The following MGAT5B variants were observed in gnomAD, a reference collection of about 807,000 sequenced individuals.
MGAT5B encodes the protein alpha-1,6-mannosylglycoprotein 6-beta-N-acetylglucosaminyltransferase B.
MGAT5B carries 54 observed loss-of-function variants against 95.1 expected under a neutral mutation model. The ratio of observed to expected loss-of-function variants is 0.57; its 90% CI spans 0.46 to 0.71. The LOEUF (loss-of-function observed/expected upper bound fraction) is 0.71, where lower values mean the gene tolerates loss of function less well. MGAT5B is among the 30% of genes least tolerant of loss of function. MGAT5B has a pLI of 0.00. For synonymous variants in MGAT5B, 464 were observed against 451.0 expected, an observed-to-expected ratio of 1.03 and a Z score of -0.36; for missense variants, 935 against 1,088.6, an observed-to-expected ratio of 0.86 and a Z score of 1.99.
chr17:76,891,298 T>C (rs1051412258), intron 3 of MGAT5B, among the ~76,000 whole-genome samples: 1 of 152,196 alleles, frequency 6.6e-6, no homozygotes, highest in Admixed American at 6.5e-5. Context: ...ATGCCATTCA[T>C]GAGGGCTCCA....
rs144453101 is a variant in MGAT5B at position 76,882,264 on chromosome 17, C to T, written c.295C>T (p.Arg99Trp). 16 of 1,612,962 alleles carry T rather than the reference C, an allele frequency of 9.9e-6. No individual in the cohort carries two copies. The highest frequency in any genetic ancestry group is 6.7e-5 in the Admixed American group (4 of 59,974). Residue 99 changes from arginine (R) to tryptophan (W), a missense_variant, in exon 3 of 18, where the codon CGG becomes TGG. Arg to Trp is a moderately radical substitution (Grantham distance 101). Transcript: ENST00000569840. ...GCTGGAGAACAGCAGTGAGCTGCACCGGGCCGGCGGCGACCTGCACTTTCC... is the reference window on the plus strand; with the variant it reads ...GCTGGAGAACAGCAGTGAGCTGCACTGGGCCGGCGGCGACCTGCACTTTCC... ...ARLENSSELH[R>W]AGGDLHFPAD... is the part of the protein sequence containing the mutation.
chr17:76,882,339 G>T, intron 3 of MGAT5B, 41 bp downstream of exon 3: 1 of 1,522,800 alleles, frequency 6.6e-7, no homozygotes, highest in Non-Finnish European at 8.8e-7. Flanking sequence ...GCAGGGGAGC[G>T]GTGGCACCTG....
At chr17:76,923,134 C>T (rs1427080887) in intron 8 of MGAT5B, among the ~76,000 whole-genome samples, 51 of 152,226 alleles carry the variant, frequency 3.4e-4, no homozygotes, top group Non-Finnish European at 2.9e-5. Flanking sequence ...ATGGTGCGCA[C>T]AGTCCCCTCC....
In MGAT5B at chr17:76,916,187, G is replaced by A. The variant is rs190211600; in HGVS notation, c.1026-8779G>A. ...ATGCTCCACATAGCTGCACTGCCCT[G>A]GCCCCTGCCCTTCATTCTTCCTCGG... is the stretch of plus-strand genomic sequence containing the variant. On this transcript the variant is annotated intron_variant, in intron 8 of 17. Coordinates refer to ENST00000569840, the MANE Select transcript of MGAT5B (RefSeq NM_001199172.2). The surrounding 1 kb of genome is among the most constrained non-coding windows in gnomAD (Gnocchi z 5.3). Among the ~76,000 whole-genome samples the A allele has an allele frequency of 3.2e-4, 48 of 150,816 alleles. No individual in the cohort carries two copies. Among genetic ancestry groups the A allele is most frequent in the Non-Finnish European group, 7.4e-5 (5 of 67,908 alleles).
At chr17:76,908,245 CTTTT>C (rs897735562) in intron 8 of MGAT5B, among the ~76,000 whole-genome samples, 5 of 139,436 alleles carry the variant, frequency 3.6e-5, no homozygotes, top group African/African-American at 1.3e-4. Context: ...TCTTTTCTTT[CTTTT>C]TTTCCTTTCT....
chr17:76,882,378 C>G, intron 3 of MGAT5B, 80 bp downstream of exon 3: 1 of 1,475,268 alleles, frequency 6.8e-7, no homozygotes, highest in Non-Finnish European at 9.1e-7. Flanking sequence ...TGTCCGTCAT[C>G]TCCTTTTGTG....
intron 8 of MGAT5B, among the ~76,000 whole-genome samples, chr17:76,919,696 G>A (rs935394278): frequency 2.0e-5 from 3 of 152,214 alleles, no homozygotes; most frequent in Non-Finnish European, 4.4e-5. Flanking sequence ...CACCTAAAGT[G>A]CTGGGATTAT....
intron 2 of MGAT5B, among the ~76,000 whole-genome samples, chr17:76,878,879 A>G (rs139497953): frequency 1.5e-4 from 23 of 152,330 alleles, no homozygotes; most frequent in African/African-American, 5.3e-4. Context: ...ATAGAGACTC[A>G]GAGCTCAATG....
At position 76,925,039 on chromosome 17, in the gene MGAT5B, G is replaced by A. The variant is rs779652167; in HGVS notation, c.1099G>A (p.Asp367Asn). The change falls in exon 9 of 18, where the codon GAC becomes AAC. Residue 367 changes from aspartate to asparagine, a missense_variant. By Grantham distance (23) the Asp-to-Asn change is conservative. Transcript: ENST00000569840. ...CCTGCCCTTCGACCTCATCTACACCGACTACCACGGCCTGCAGCAGATGAA... is the reference window on the plus strand; with the variant it reads ...CCTGCCCTTCGACCTCATCTACACCAACTACCACGGCCTGCAGCAGATGAA... ...MPLPFDLIYT[D>N]YHGLQQMKRH... 22 of 1,611,482 alleles carry A rather than the reference G, an allele frequency of 1.4e-5. No homozygotes were observed. Among genetic ancestry groups the A allele is most frequent in the Admixed American group, 3.3e-5 (2 of 59,918 alleles).
At chr17:76,939,029 G>GT (rs1555600423) in intron 13 of MGAT5B, among the ~76,000 whole-genome samples, 2,561 of 128,212 alleles carry the variant, frequency 0.02, 35 homozygotes, top group African/African-American at 0.04. Context: ...GCATCTTGGG[G>GT]GTGTGTGTGT....
At chr17:76,926,424 G>A (rs1247903887) in intron 9 of MGAT5B, among the ~76,000 whole-genome samples, 173 bp from the exon 10 acceptor site, 1 of 152,138 alleles carries the variant, frequency 6.6e-6, no homozygotes, top group Non-Finnish European at 1.5e-5. Flanking sequence ...GAGAGGTGAA[G>A]ACACTCACCT....
chr17:76,921,739 C>T (rs1032953479), intron 8 of MGAT5B, among the ~76,000 whole-genome samples: 3 of 152,122 alleles, frequency 2.0e-5, no homozygotes, highest in Non-Finnish European at 4.4e-5. Context: ...TGGGAAGCCT[C>T]GGAAAGGGTC....
chr17:76,872,504 C>G, intron 1 of MGAT5B: 1 of 620,972 alleles, frequency 1.6e-6, no homozygotes, highest in Non-Finnish European at 2.7e-6. Context: ...TAAGGAGTCT[C>G]AGGTGATGCT....
rs1203708121 is a variant in MGAT5B at position 76,918,023 on chromosome 17, TCTC to T, written c.1026-6938_1026-6936del. 6.6e-6 allele frequency among the ~76,000 whole-genome samples: 1 copy of T among 152,136 alleles called. No homozygotes were observed. Among genetic ancestry groups the T allele is most frequent in the Non-Finnish European group, 1.5e-5 (1 of 68,034 alleles). On this transcript the variant is annotated intron_variant, in intron 8 of 17. Coordinates refer to ENST00000569840, the MANE Select transcript of MGAT5B (RefSeq NM_001199172.2). The surrounding 1 kb of genome is among the most constrained non-coding windows in gnomAD (Gnocchi z 5.1). ...GGCAGCCAGCGGGGTGAGTGTGTGG[TCTC>T]CTCCAGCTCTCCTGGGAGCATGGCC...
At chr17:76,946,321 G>GC in intron 15 of MGAT5B, 55 bp from the exon 16 acceptor site, 1 of 1,477,288 alleles carries the variant, frequency 6.8e-7, no homozygotes, top group Non-Finnish European at 9.3e-7. Flanking sequence ...GCATGGCAGG[G>GC]CCCCCGACGG....
chr17:76,948,885 C>A lies in MGAT5B; in HGVS notation c.*47C>A. The A allele has an allele frequency of 1.3e-6, 2 of 1,513,724 alleles. No individual in the cohort carries two copies. The highest frequency in any genetic ancestry group is 1.2e-5 in the South Asian group (1 of 81,880). The allele number at this position is 1,513,724 out of a possible 1,614,324, so 93.8% of individuals were successfully genotyped here. A position where few individuals can be genotyped will look rare whatever the true frequency, so the allele number is the denominator to read the frequency against. Reference sequence around the variant, plus strand: ...TGGCACCCACGCTGGCTCTCTCCTGCCGCGGGAGAAAGCACCAGCAGGTTC... The same window carrying A: ...TGGCACCCACGCTGGCTCTCTCCTGACGCGGGAGAAAGCACCAGCAGGTTC... On this transcript the variant is annotated 3_prime_UTR_variant, in exon 18 of 18. Transcript: ENST00000569840.
At position 76,869,346 on chromosome 17, in the gene MGAT5B, G is replaced by A. The variant is rs569125770; in HGVS notation, c.68+249G>A. Among the ~76,000 whole-genome samples, 8 of 152,182 alleles carry A rather than the reference G, an allele frequency of 5.3e-5. No homozygotes were observed. In the East Asian group the frequency reaches 1.6e-3, roughly 30 times the overall value. On this transcript the variant is annotated intron_variant, in intron 1 of 17. Coordinates refer to ENST00000569840, the MANE Select transcript of MGAT5B (RefSeq NM_001199172.2). This position sits in a 1 kb window ranked among gnomAD's most constrained non-coding sequence, Gnocchi z 7.0. Reference sequence around the variant, plus strand: ...GGTTGGAGAGGACTCGGGGTGCAGAGGTAAGAATGGGGGCAGAAAACCCCC... The same window carrying A: ...GGTTGGAGAGGACTCGGGGTGCAGAAGTAAGAATGGGGGCAGAAAACCCCC...
intron 3 of MGAT5B, among the ~76,000 whole-genome samples, chr17:76,897,197 G>A (rs559666102): frequency 4.6e-5 from 7 of 152,262 alleles, no homozygotes; most frequent in Admixed American, 6.5e-5. Flanking sequence ...GACTACAGGC[G>A]TGAACCTCTG....
At chr17:76,928,926 C>T (rs1454144917) in intron 10 of MGAT5B, among the ~76,000 whole-genome samples, 3 of 150,444 alleles carry the variant, frequency 2.0e-5, no homozygotes, top group Non-Finnish European at 4.4e-5. Context: ...AGTGCAGTGG[C>T]GCGACCTCGG....
Sources: allele counts gnomAD v4.1 joint callset (sites outside exome capture counted in the v4.1 genomes callset), GRCh38; gene constraint gnomAD v4.1.1; non-coding constraint Gnocchi (gnomAD v3.1); transcripts MANE v1.5; gene names NCBI Gene and HGNC (gene_info 2026-07-23, HGNC 2026-07-21).